Variants in AFAP1 observed in about 807,000 individuals in gnomAD.
The protein encoded by AFAP1 is actin filament associated protein 1.
Under a neutral mutation model 93.9 loss-of-function variants are expected in AFAP1, and 75 were observed. That is an observed-to-expected ratio of 0.80 (90% CI 0.66 to 0.97). AFAP1 has a LOEUF of 0.97. AFAP1 is among the 50% of genes least tolerant of loss of function. AFAP1 has a pLI of 0.00. For missense variants in AFAP1, 1,201 were observed against 1,050.8 expected (o/e 1.14, Z -1.98); for synonymous variants, 517 against 430.7 (o/e 1.20, Z -2.48).
In AFAP1 at chr4:7,939,842, G is replaced by C. The variant is rs1007078288; in HGVS notation, c.-189C>G. ...GGCTCGCGGAGCTGCAGCCGGCGTG[G>C]GGCTGCGGCCGGGACAGACACCACG... On this transcript the variant is annotated 5_prime_UTR_variant, in exon 1 of 18. Coordinates refer to ENST00000420658, the MANE Select transcript of AFAP1 (RefSeq NM_001134647.2). This position sits in a 1 kb window ranked among gnomAD's most constrained non-coding sequence, Gnocchi z 5.6. 79 of 276,790 alleles carry C rather than the reference G, an allele frequency of 2.9e-4. No individual in the cohort carries two copies. The highest frequency in any genetic ancestry group is 1.8e-3 in the African/African-American group (75 of 42,492). 17.1% of individuals were successfully genotyped at this position (276,790 alleles called of 1,614,324 possible).
chr4:7,777,008 A>G (rs563223819), intron 14 of AFAP1: 58 of 152,320 alleles, frequency 3.8e-4, no homozygotes, highest in African/African-American at 1.2e-3. Context: ...CACCACAGTT[A>G]ATAAAAACTC....
chr4:7,790,104 T>C (rs1460374477), intron 11 of AFAP1, among the ~76,000 whole-genome samples: 1 of 152,228 alleles, frequency 6.6e-6, no homozygotes, highest in Non-Finnish European at 1.5e-5. Flanking sequence ...AAAAGATTCA[T>C]TAACTGGCTG....
At chr4:7,867,479 G>A (rs1438293170) in intron 3 of AFAP1, among the ~76,000 whole-genome samples, 3 of 152,122 alleles carry the variant, frequency 2.0e-5, no homozygotes, top group East Asian at 3.9e-4. Flanking sequence ...CGGTGGACAG[G>A]CTCAATGCTA....
intron 1 of AFAP1, among the ~76,000 whole-genome samples, chr4:7,894,984 G>A (rs1435198964): frequency 6.6e-6 from 1 of 152,210 alleles, no homozygotes; most frequent in Non-Finnish European, 1.5e-5. Context: ...ACAGACGGAG[G>A]GGCAGGTGGC....
rs1717182316 is a variant in AFAP1 at position 7,785,553 on chromosome 4, CTA to C, written c.1530+639_1530+640del. Among the ~76,000 whole-genome samples, 3 of 152,318 alleles carry C rather than the reference CTA, an allele frequency of 2.0e-5. No individual in the cohort carries two copies. In the South Asian group the frequency reaches 6.2e-4, roughly 32 times the overall value. On this transcript the variant is annotated intron_variant, in intron 12 of 17. Coordinates refer to ENST00000420658, the MANE Select transcript of AFAP1 (RefSeq NM_001134647.2). The stretch of plus-strand genomic sequence containing the variant: ...CTACTCATTGATAACCTATACTGTG[CTA>C]TGTTTTGATTTAACAAGTTATCCAA...
chr4:7,902,211 G>A (rs779239828), intron 1 of AFAP1, among the ~76,000 whole-genome samples: 2 of 152,108 alleles, frequency 1.3e-5, no homozygotes, highest in African/African-American at 2.4e-5. Flanking sequence ...AGTTCTCAGC[G>A]GGCTTCCCGG....
chr4:7,893,213 A>G (rs553180761), intron 1 of AFAP1, among the ~76,000 whole-genome samples: 1 of 152,150 alleles, frequency 6.6e-6, no homozygotes, highest in East Asian at 1.9e-4. Context: ...TTGAATCATG[A>G]CTCTTGTAAG....
At chr4:7,840,261 G>GGTGTGTGTGTGT (rs1560191503) in intron 5 of AFAP1, among the ~76,000 whole-genome samples, 6 of 56,188 alleles carry the variant, frequency 1.1e-4, no homozygotes, top group African/African-American at 3.8e-4. Context: ...TTGTTTTTGG[G>GGTGTGTGTGTGT]ATGTGTGTGT....
chr4:7,902,497 T>C (rs1028582729), intron 1 of AFAP1, among the ~76,000 whole-genome samples: 1 of 152,194 alleles, frequency 6.6e-6, no homozygotes, highest in African/African-American at 2.4e-5. Context: ...TGGAATGCTC[T>C]AGGTTTGATT....
intron 13 of AFAP1, among the ~76,000 whole-genome samples, chr4:7,780,369 T>C (rs1315726917): frequency 1.3e-5 from 2 of 152,250 alleles, no homozygotes; most frequent in Non-Finnish European, 2.9e-5. Flanking sequence ...CTACTATCTA[T>C]AATTCTACAA....
At chr4:7,915,201 T>G (rs1720019690) in intron 1 of AFAP1, among the ~76,000 whole-genome samples, 1 of 151,836 alleles carries the variant, frequency 6.6e-6, no homozygotes, top group Non-Finnish European at 1.5e-5. Context: ...TAGTTTACAT[T>G]CCCCCCTACG....
At chr4:7,892,038 GA>G (rs1169701472) in intron 1 of AFAP1, among the ~76,000 whole-genome samples, 4 of 151,896 alleles carry the variant, frequency 2.6e-5, no homozygotes, top group Admixed American at 6.6e-5. Flanking sequence ...TGGGCAGCAA[GA>G]ACAAAATTCC....
At chr4:7,818,322 C>T (rs983438691) in intron 7 of AFAP1, among the ~76,000 whole-genome samples, 6 of 152,186 alleles carry the variant, frequency 3.9e-5, no homozygotes, top group African/African-American at 1.4e-4. Flanking sequence ...CCAATGCCTT[C>T]TAAGAAATCT....
At position 7,921,560 on chromosome 4, in the gene AFAP1, A is replaced by T. The variant is rs189278092; in HGVS notation, c.-3+18096T>A. Among the ~76,000 whole-genome samples, 81 of 152,296 alleles carry T rather than the reference A, an allele frequency of 5.3e-4. 1 individual carries two copies. In the East Asian group the frequency reaches 0.013, roughly 24 times the overall value. The stretch of plus-strand genomic sequence containing the variant: ...AAACTGTTGGCAAGGAAATAGAAAT[A>T]GGCGCCCTTACACATTGACAGTGAG... On this transcript the variant is annotated intron_variant, in intron 1 of 17. Transcript: ENST00000420658.
intron 1 of AFAP1, among the ~76,000 whole-genome samples, chr4:7,893,662 C>G (rs1005680115): frequency 2.0e-5 from 3 of 151,592 alleles, no homozygotes; most frequent in African/African-American, 7.3e-5. Flanking sequence ...CACCCTAAAC[C>G]TGTGCTTCTC....
At chr4:7,848,179 GAGGGAGGA>G (rs1407004664) in intron 4 of AFAP1, among the ~76,000 whole-genome samples, 20 of 105,954 alleles carry the variant, frequency 1.9e-4, no homozygotes, top group East Asian at 3.8e-4. Flanking sequence ...GGGAGGGAGG[GAGGGAGGA>G]AGGAAGGAAG....
At chr4:7,766,684 A>C (rs1714634599) in intron 17 of AFAP1, among the ~76,000 whole-genome samples, 1 of 152,068 alleles carries the variant, frequency 6.6e-6, no homozygotes, top group South Asian at 2.1e-4. Flanking sequence ...GGGGCACGAA[A>C]CCTGGAGCAG....
chr4:7,875,642 G>T (rs1485088114), intron 1 of AFAP1, among the ~76,000 whole-genome samples: 1 of 151,256 alleles, frequency 6.6e-6, no homozygotes, highest in East Asian at 1.9e-4. Context: ...GGAGGTGGGG[G>T]GCGGGACGGG....
chr4:7,792,875 C>CT (rs1394596111), intron 11 of AFAP1, among the ~76,000 whole-genome samples: 1 of 152,146 alleles, frequency 6.6e-6, no homozygotes, highest in Non-Finnish European at 1.5e-5. Flanking sequence ...AATTCTTTGA[C>CT]TATTTACATT....
Sources: gnomAD v4.1 joint callset for allele counts (sites outside exome capture counted in the v4.1 genomes callset) on GRCh38, gnomAD v4.1.1 for gene constraint, Gnocchi (gnomAD v3.1) non-coding constraint, MANE v1.5 for transcripts, NCBI Gene and HGNC (gene_info 2026-07-23, HGNC 2026-07-21) for gene names.